Variants in TLK2 observed in about 807,000 individuals in gnomAD.
TLK2 encodes the protein tousled like kinase 2.
In TLK2, 6 loss-of-function variants were observed where a neutral mutation model predicts 117.3. The ratio of observed to expected loss-of-function variants is 0.05; its 90% CI spans 0.03 to 0.10. The LOEUF (loss-of-function observed/expected upper bound fraction) is 0.10, where lower values mean the gene tolerates loss of function less well. Among genes scored for constraint, TLK2 ranks in the 10% least tolerant of loss-of-function variants. TLK2 has a pLI of 1.00. For missense variants in TLK2, 299 were observed against 901.2 expected, an observed-to-expected ratio of 0.33 and a Z score of 8.56; for synonymous variants, 257 against 316.7, an observed-to-expected ratio of 0.81 and a Z score of 2.00.
At chr17:62,597,384 A>C (rs1459488929) in intron 17 of TLK2, 1 of 152,154 alleles carries the variant, frequency 6.6e-6, no homozygotes. Context: ...TGGATATACC[A>C]CATTTTGCTT....
chr17:62,600,112 G>A (rs570783634), intron 17 of TLK2, among the ~76,000 whole-genome samples: 7 of 152,150 alleles, frequency 4.6e-5, no homozygotes, highest in Admixed American at 2.6e-4. Flanking sequence ...TTTTTGGGAC[G>A]TGGGCAAACT....
At chr17:62,592,103 C>T (rs1181286038) in intron 16 of TLK2, among the ~76,000 whole-genome samples, 2 of 151,798 alleles carry the variant, frequency 1.3e-5, no homozygotes, top group African/African-American at 2.4e-5. Context: ...TACAGGCATG[C>T]GCCACCACCC....
rs199691239 is a variant in TLK2, at chr17:62,498,865, ATTTG to A, written c.81+17672_81+17675del. Among the ~76,000 whole-genome samples, 1,161 of 151,412 alleles carry A rather than the reference ATTTG, an allele frequency of 7.7e-3. 22 individuals are homozygous for A. The highest frequency in any genetic ancestry group is 0.026 in the African/African-American group (1,072 of 41,272). On this transcript the variant is annotated intron_variant, in intron 2 of 21. Transcript: ENST00000346027. ...TCTTGATCAGCGATTTCTTTGGTTT[ATTTG>A]TTTGTTTGTTTGAGACACAGTCTCT...
intron 2 of TLK2, among the ~76,000 whole-genome samples, chr17:62,489,857 A>T (rs2072918792): frequency 6.6e-6 from 1 of 151,472 alleles, no homozygotes; most frequent in Non-Finnish European, 1.5e-5. Context: ...TTTTTTTGAG[A>T]TGGAGTCAAC....
At chr17:62,519,052 T>G (rs2075842230) in intron 2 of TLK2, among the ~76,000 whole-genome samples, 1 of 152,126 alleles carries the variant, frequency 6.6e-6, no homozygotes, top group Middle Eastern at 3.4e-3. Context: ...CCTCGCTAAT[T>G]TTTTGTATTT....
intron 7 of TLK2, among the ~76,000 whole-genome samples, chr17:62,539,678 A>G (rs1313213391): frequency 6.6e-6 from 1 of 151,798 alleles, no homozygotes; most frequent in Non-Finnish European, 1.5e-5. Context: ...GAGTATTGCC[A>G]TGTTGGCCAG....
In TLK2 at chr17:62,579,412, A is replaced by G. The variant is rs555919752; in HGVS notation, c.1287-699A>G. Among the ~76,000 whole-genome samples, 59 of 152,310 alleles carry G rather than the reference A, an allele frequency of 3.9e-4. 1 individual carries two copies. Among genetic ancestry groups the G allele is most frequent in the African/African-American group, 1.4e-3 (58 of 41,576 alleles). Reference sequence around the variant, plus strand: ...AAAGAGTTCAACTTGGATCTTTTTCATCTAAACCACCATGCAGTAATGTCT... The same window carrying G: ...AAAGAGTTCAACTTGGATCTTTTTCGTCTAAACCACCATGCAGTAATGTCT... On this transcript the variant is annotated intron_variant, in intron 14 of 21. Transcript: ENST00000346027.
chr17:62,526,458 CCTA>C (rs2076372972), intron 6 of TLK2, among the ~76,000 whole-genome samples: 1 of 152,178 alleles, frequency 6.6e-6, no homozygotes, highest in African/African-American at 2.4e-5. Context: ...TCCACATGCT[CCTA>C]CTGCAGATTT....
chr17:62,583,597 CAG>C (rs1225568620), intron 15 of TLK2, among the ~76,000 whole-genome samples: 1 of 152,072 alleles, frequency 6.6e-6, no homozygotes, highest in African/African-American at 2.4e-5. Flanking sequence ...TCTCTTGAGA[CAG>C]AGTCTCACTC....
intron 7 of TLK2, among the ~76,000 whole-genome samples, chr17:62,546,171 C>T (rs1227213698): frequency 6.6e-6 from 1 of 151,938 alleles, no homozygotes; most frequent in Non-Finnish European, 1.5e-5. Context: ...CATGAGCCAC[C>T]ACACCATGTC....
chr17:62,574,120 T>C (rs2080547854), intron 12 of TLK2, among the ~76,000 whole-genome samples: 1 of 152,210 alleles, frequency 6.6e-6, no homozygotes, highest in Non-Finnish European at 1.5e-5. Flanking sequence ...GCTTTATGTT[T>C]TCATATTAGT....
chr17:62,602,572 C>T (rs1400632914), intron 19 of TLK2, among the ~76,000 whole-genome samples: 1 of 152,010 alleles, frequency 6.6e-6, no homozygotes, highest in Non-Finnish European at 1.5e-5. Flanking sequence ...AGGGATTTGT[C>T]TCAAGAGTTG....
rs1377018725 is a variant in TLK2 at position 62,573,378 on chromosome 17, T to C, written c.1121+11T>C. On this transcript the variant is annotated intron_variant, in intron 12 of 21. Coordinates refer to ENST00000346027, the MANE Select transcript of TLK2 (RefSeq NM_006852.6). ...AGCTGAAAATGAAACGTATGTTCTT[T>C]ATTGACGTGAACGCTGAGACACCAC... 6.2e-7 allele frequency: 1 copy of C among 1,613,344 alleles called. No individual in the cohort carries two copies. Among genetic ancestry groups the C allele is most frequent in the Non-Finnish European group, 8.5e-7 (1 of 1,179,724 alleles).
At chr17:62,579,108 T>C (rs967754486) in intron 14 of TLK2, among the ~76,000 whole-genome samples, 19 of 152,216 alleles carry the variant, frequency 1.2e-4, no homozygotes, top group Non-Finnish European at 2.1e-4. Context: ...ATCTGTTTTT[T>C]CCCCATATTT....
intron 2 of TLK2, among the ~76,000 whole-genome samples, chr17:62,484,269 G>A (rs1214394430): frequency 3.3e-5 from 5 of 151,870 alleles, no homozygotes; most frequent in Non-Finnish European, 7.4e-5. Flanking sequence ...AGTTTGCAGA[G>A]CCGGGAAAAG....
In TLK2 at chr17:62,553,769, T is replaced by C; in HGVS notation, c.720+14T>C. 6.6e-7 allele frequency: 1 copy of C among 1,505,868 alleles called. No homozygotes were observed. Among genetic ancestry groups the C allele is most frequent in the Non-Finnish European group, 9.2e-7 (1 of 1,082,914 alleles). The allele number at this position is 1,505,868 out of a possible 1,614,324, so 93.3% of individuals were successfully genotyped here. ...GATTTATTAAGAGTAAGTATTAAAA[T>C]GTAAGAGATTTTATAGCAAGCACCA... is the stretch of plus-strand genomic sequence containing the variant. On this transcript the variant is annotated intron_variant, in intron 9 of 21. Coordinates refer to ENST00000346027, the MANE Select transcript of TLK2 (RefSeq NM_006852.6).
chr17:62,478,841 G>A lies in TLK2; in HGVS notation c.-455G>A, dbSNP rs946070190. On this transcript the variant is annotated 5_prime_UTR_variant, in exon 1 of 22. Transcript: ENST00000346027. ...ACACCGATCACTACTAATCCGGACCGAACCGATCCGGATTAAGGGGCCGGA... is the reference window on the plus strand; with the variant it reads ...ACACCGATCACTACTAATCCGGACCAAACCGATCCGGATTAAGGGGCCGGA... Among the ~76,000 whole-genome samples, 2 of 144,816 alleles carry A rather than the reference G, an allele frequency of 1.4e-5. No individual in the cohort carries two copies. Among genetic ancestry groups the A allele is most frequent in the African/African-American group, 2.5e-5 (1 of 39,596 alleles).
intron 9 of TLK2, among the ~76,000 whole-genome samples, chr17:62,557,819 T>C (rs975325685): frequency 6.6e-6 from 1 of 152,210 alleles, no homozygotes; most frequent in African/African-American, 2.4e-5. Flanking sequence ...GGTACTGCTT[T>C]AGGAGTTTCA....
chr17:62,533,630 C>T (rs2076912521), intron 6 of TLK2, among the ~76,000 whole-genome samples: 1 of 151,858 alleles, frequency 6.6e-6, no homozygotes, highest in Non-Finnish European at 1.5e-5. Flanking sequence ...GCATGTGCCA[C>T]CATGCCCAGC....
Sources: gnomAD v4.1 joint callset for allele counts (sites outside exome capture counted in the v4.1 genomes callset) on GRCh38, gnomAD v4.1.1 for gene constraint, MANE v1.5 for transcripts, NCBI Gene and HGNC (gene_info 2026-07-23, HGNC 2026-07-21) for gene names.